Variants in DLG2 observed in about 807,000 individuals in gnomAD.
DLG2 encodes discs large MAGUK scaffold protein 2.
A neutral mutation model predicts 132.5 loss-of-function variants in DLG2; 45 were observed. That is an observed-to-expected ratio of 0.34 (90% CI 0.27 to 0.44). DLG2 has a LOEUF of 0.44. Among genes scored for constraint, DLG2 ranks in the 20% least tolerant of loss-of-function variants. The pLI is 1.00. For synonymous variants in DLG2, 424 were observed against 419.6 expected (o/e 1.01, Z -0.13); for missense variants, 1,045 against 1,196.9 (o/e 0.87, Z 1.87).
intron 14 of DLG2, among the ~76,000 whole-genome samples, chr11:83,933,649 G>T (rs982701882): frequency 2.0e-5 from 3 of 152,150 alleles, no homozygotes; most frequent in Non-Finnish European, 2.9e-5. Context: ...GTTGGAGGGA[G>T]GTGCTTCATC....
At chr11:84,014,353 A>G (rs1264813745) in intron 11 of DLG2, among the ~76,000 whole-genome samples, 2 of 152,154 alleles carry the variant, frequency 1.3e-5, no homozygotes, top group East Asian at 3.9e-4. Context: ...GGACACTCAT[A>G]TTACTTTCCC....
chr11:84,926,552 A>G lies in DLG2; in HGVS notation c.357+185109T>C, dbSNP rs180993008. Among the ~76,000 whole-genome samples, 166 of 152,140 alleles carry G rather than the reference A, an allele frequency of 1.1e-3. 1 individual carries two copies. Among genetic ancestry groups the G allele is most frequent in the African/African-American group, 3.9e-3 (162 of 41,542 alleles). On this transcript the variant is annotated intron_variant, in intron 6 of 27. Coordinates refer to ENST00000376104, the MANE Select transcript of DLG2 (RefSeq NM_001142699.3). ...ACTGATATTGTGTGAGGCTATTTGTATTTGTATATTTACATACACTTGTAG... is the reference window on the plus strand; with the variant it reads ...ACTGATATTGTGTGAGGCTATTTGTGTTTGTATATTTACATACACTTGTAG...
intron 3 of DLG2, among the ~76,000 whole-genome samples, chr11:85,358,617 G>A (rs1383715731): frequency 5.9e-5 from 9 of 152,206 alleles, no homozygotes; most frequent in African/African-American, 2.2e-4. Flanking sequence ...TTTAGCACAT[G>A]CTATATATTG....
At chr11:83,988,810 T>A (rs2093519774) in intron 11 of DLG2, among the ~76,000 whole-genome samples, 1 of 152,176 alleles carries the variant, frequency 6.6e-6, no homozygotes, top group Admixed American at 6.6e-5. Context: ...TGCTGTCCCC[T>A]GACTATATAT....
intron 27 of DLG2, 102 bp from the exon 28 acceptor site, chr11:83,460,026 T>C: frequency 1.7e-6 from 1 of 594,006 alleles, no homozygotes; most frequent in Non-Finnish European, 3.0e-6. Flanking sequence ...AGCAGATGAC[T>C]CATCAGGAAG....
intron 3 of DLG2, among the ~76,000 whole-genome samples, chr11:85,597,487 A>C (rs1242351545): frequency 1.3e-5 from 2 of 151,966 alleles, no homozygotes; most frequent in Admixed American, 1.3e-4. Context: ...AATACCAGCT[A>C]AGATGATTAC....
intron 18 of DLG2, among the ~76,000 whole-genome samples, chr11:83,699,549 A>G (rs1592676224): frequency 6.6e-6 from 1 of 150,464 alleles, no homozygotes; most frequent in South Asian, 2.1e-4. Flanking sequence ...ACAAAAGAAA[A>G]AAAAAAAAAA....
chr11:83,562,966 C>CTTTTTTT (rs527949325), intron 19 of DLG2, among the ~76,000 whole-genome samples: 2 of 81,368 alleles, frequency 2.5e-5, no homozygotes, highest in Non-Finnish European at 4.5e-5. Context: ...TTCCCTAATT[C>CTTTTTTT]TTTTTTTTTT....
intron 10 of DLG2, among the ~76,000 whole-genome samples, chr11:84,063,184 T>C (rs958898421): frequency 1.3e-5 from 2 of 152,202 alleles, no homozygotes; most frequent in African/African-American, 2.4e-5. Context: ...AAGTTGACAG[T>C]TTCACTCTTA....
intron 23 of DLG2, 38 bp from the exon 24 acceptor site, chr11:83,471,765 G>C: frequency 6.4e-7 from 1 of 1,571,214 alleles, no homozygotes; most frequent in Non-Finnish European, 8.7e-7. Context: ...TAAAGAGAAA[G>C]AGTTGGAAAC....
At chr11:83,582,313 TGGTTCCAA>T (rs2096994674) in intron 19 of DLG2, among the ~76,000 whole-genome samples, 1 of 152,186 alleles carries the variant, frequency 6.6e-6, no homozygotes, top group African/African-American at 2.4e-5. Context: ...AATAGTGCTT[TGGTTCCAA>T]GACTGTCCAG....
intron 6 of DLG2, among the ~76,000 whole-genome samples, chr11:84,776,311 C>G (rs930294252): frequency 1.3e-5 from 2 of 152,120 alleles, no homozygotes; most frequent in African/African-American, 4.8e-5. Context: ...ACGACCATGC[C>G]TGGCTAATTT....
At chr11:83,975,918 G>C (rs547625321) in intron 12 of DLG2, among the ~76,000 whole-genome samples, 2 of 151,892 alleles carry the variant, frequency 1.3e-5, no homozygotes, top group South Asian at 4.1e-4. Context: ...AATAGTTTTC[G>C]GGAGGTATTA....
intron 7 of DLG2, among the ~76,000 whole-genome samples, chr11:84,356,179 C>T (rs1351794401): frequency 6.6e-6 from 1 of 152,102 alleles, no homozygotes; most frequent in African/African-American, 2.4e-5. Context: ...AAGCAGTCCA[C>T]TTTATCCATT....
chr11:84,815,842 T>TCA (rs955620198), intron 6 of DLG2, among the ~76,000 whole-genome samples: 6 of 152,010 alleles, frequency 3.9e-5, no homozygotes, highest in Non-Finnish European at 7.4e-5. Flanking sequence ...GTGTGCCACC[T>TCA]CATAGTGGGG....
At chr11:84,656,512 G>A (rs2099688489) in intron 6 of DLG2, among the ~76,000 whole-genome samples, 1 of 152,134 alleles carries the variant, frequency 6.6e-6, no homozygotes, top group Non-Finnish European at 1.5e-5. Flanking sequence ...TAGTAGCAGG[G>A]AGGAAAGAAA....
At chr11:84,689,012 G>C (rs1252673256) in intron 6 of DLG2, among the ~76,000 whole-genome samples, 1 of 152,190 alleles carries the variant, frequency 6.6e-6, no homozygotes, top group Non-Finnish European at 1.5e-5. Context: ...GTGCTGTTAA[G>C]CAGACTGGAG....
intron 5 of DLG2, among the ~76,000 whole-genome samples, chr11:85,134,528 CAAAAA>C (rs58266385): frequency 2.0e-3 from 71 of 34,954 alleles, no homozygotes; most frequent in Non-Finnish European, 1.5e-3. Context: ...GACTCCGTCT[CAAAAA>C]AAAAAAAAAA....
At chr11:84,094,077 C>G (rs539507202) in intron 10 of DLG2, among the ~76,000 whole-genome samples, 1 of 151,756 alleles carries the variant, frequency 6.6e-6, no homozygotes, top group Non-Finnish European at 1.5e-5. Flanking sequence ...GTCTTTTAAG[C>G]GTCGTTGTTG....
Sources: gnomAD v4.1 joint callset for allele counts (sites outside exome capture counted in the v4.1 genomes callset) on GRCh38, gnomAD v4.1.1 for gene constraint, MANE v1.5 for transcripts, NCBI Gene and HGNC (gene_info 2026-07-23, HGNC 2026-07-21) for gene names.